The following SZT2 variants were observed in gnomAD, a reference collection of about 807,000 sequenced individuals.
SZT2 encodes SZT2 subunit of KICSTOR complex, also known as KICSTOR complex protein SZT2.
Under a neutral mutation model 404.2 loss-of-function variants are expected in SZT2, and 216 were observed. The observed-to-expected ratio is 0.53, with a 90% CI of 0.48 to 0.60. SZT2 has a LOEUF of 0.60. Ranked by LOEUF, SZT2 falls within the 20% of genes least tolerant of loss-of-function variation. SZT2 has a pLI of 0.00. For missense variants in SZT2, 3,857 were observed against 4,459.2 expected (o/e 0.86, Z 3.85); for synonymous variants, 1,693 against 1,749.9 (o/e 0.97, Z 0.81).
rs918491665 is a variant in SZT2, at chr1:43,412,984, G to A, written c.499-2098G>A. 5.9e-5 allele frequency among the ~76,000 whole-genome samples: 9 copies of A among 152,282 alleles called. No homozygotes were observed. In the East Asian group the frequency reaches 1.4e-3, roughly 23 times the overall value. On this transcript the variant is annotated intron_variant, in intron 4 of 71. Coordinates refer to ENST00000634258, the MANE Select transcript of SZT2 (RefSeq NM_001365999.1). ...GTATCATTTCACCCCAGTTAAAATGGTTTTTATCCAAAAGACAGGCAATAA... is the reference window on the plus strand; with the variant it reads ...GTATCATTTCACCCCAGTTAAAATGATTTTTATCCAAAAGACAGGCAATAA...
intron 1 of SZT2, among the ~76,000 whole-genome samples, chr1:43,397,667 A>G (rs1045353168): frequency 1.4e-4 from 22 of 151,792 alleles, no homozygotes; most frequent in Non-Finnish European, 8.8e-5. Flanking sequence ...AGCTGGGACT[A>G]CAGATGTGCT....
intron 4 of SZT2, among the ~76,000 whole-genome samples, chr1:43,408,812 G>T (rs980672148): frequency 2.0e-5 from 3 of 152,060 alleles, no homozygotes; most frequent in African/African-American, 7.2e-5. Context: ...CTTCCCATGG[G>T]CCTGTAGAGT....
intron 41 of SZT2, 91 bp from the exon 42 acceptor site, chr1:43,435,109 T>C (rs1392810502): frequency 2.7e-6 from 4 of 1,454,968 alleles, no homozygotes; most frequent in South Asian, 2.6e-5. Context: ...GTGATAGTGG[T>C]CATTCTCTCT....
chr1:43,440,353 A>G, intron 51 of SZT2, 100 bp from the exon 52 acceptor site: 2 of 1,467,736 alleles, frequency 1.4e-6, no homozygotes, highest in Non-Finnish European at 1.8e-6. Flanking sequence ...TGACAGGTAG[A>G]ATAGGTGGCA....
rs189295725 is a variant in SZT2, at chr1:43,391,244, G to T, written c.27+1249G>T. 1.3e-3 allele frequency among the ~76,000 whole-genome samples: 198 copies of T among 152,136 alleles called. No homozygotes were observed. In the East Asian group the frequency reaches 0.025, roughly 20 times the overall value. ...CAGGAGAATCGCTTGAACCCGGGAG[G>T]TGGAGGTTGCGATGAGCTGAGATCA... On this transcript the variant is annotated intron_variant, in intron 1 of 71. Transcript: ENST00000634258.
In SZT2 at chr1:43,421,180, CCAGA is replaced by C; in HGVS notation, c.1509_1512del (p.Asp504ArgfsTer80). On this transcript the variant is annotated frameshift_variant, in exon 11 of 72. Coordinates refer to ENST00000634258, the MANE Select transcript of SZT2 (RefSeq NM_001365999.1). LOFTEE classifies it high-confidence loss of function. ...CCTGGCCCTTATTCTACAGCATCAA[CCAGA>C]CAGACCAGATGCTTGCCCACCTTCA... is the stretch of plus-strand genomic sequence containing the variant. The C allele has an allele frequency of 6.3e-7, 1 of 1,598,374 alleles. No individual in the cohort carries two copies. Among genetic ancestry groups the C allele is most frequent in the Non-Finnish European group, 8.5e-7 (1 of 1,179,762 alleles).
rs778005372 is a variant in SZT2 at position 43,441,725 on chromosome 1, C to T, written c.7649C>T (p.Ser2550Phe). Residue 2550 changes from serine (S) to phenylalanine (F), a missense_variant, in exon 55 of 72, where the codon TCC becomes TTC. Around this residue, in one of 7 missense-constraint regions of SZT2, gnomAD observed 573 missense variants for 592.4 expected, o/e 0.97. Transcript: ENST00000634258. This position sits in a 1 kb window ranked among gnomAD's most constrained non-coding sequence, Gnocchi z 4.8. ...SVSRSSAHMV[S>F]RFLLPSILSE... is the part of the protein sequence containing the mutation. ...TCCAGAAGCTCTGCCCACATGGTGTCCCGGTTCCTCCTTCCATCCATCCTG... is the reference window on the plus strand; with the variant it reads ...TCCAGAAGCTCTGCCCACATGGTGTTCCGGTTCCTCCTTCCATCCATCCTG... 1.9e-6 allele frequency: 3 copies of T among 1,614,178 alleles called. No homozygotes were observed. Among genetic ancestry groups the T allele is most frequent in the Admixed American group, 3.3e-5 (2 of 60,020 alleles).
In SZT2 at chr1:43,438,722, G is replaced by C; in HGVS notation, c.6532G>C (p.Val2178Leu). ...QAGPEITDELVRVLCRRLDEA... is the reference protein window; with the variant it reads ...QAGPEITDELLRVLCRRLDEA... ...AGGTCCTGAGATCACGGATGAGCTC[G>C]TGCGAGTTCTATGTCGGCGCCTGGA... The change falls in exon 47 of 72, where the codon GTG (valine) becomes CTG (leucine). Residue 2178 changes from valine (V) to leucine (L), a missense_variant. Val to Leu is a conservative substitution (Grantham distance 32, BLOSUM62 1). This residue lies in a region of SZT2 where 261 missense variants were observed against 372.9 expected (regional missense o/e 0.70). Transcript: ENST00000634258. 6.2e-7 allele frequency: 1 copy of C among 1,614,076 alleles called. No homozygotes were observed. Among genetic ancestry groups the C allele is most frequent in the East Asian group, 2.2e-5 (1 of 44,876 alleles).
chr1:43,453,364 G>T lies in SZT2; in HGVS notation c.*2884G>T. 6.8e-7 allele frequency: 1 copy of T among 1,478,980 alleles called. No individual in the cohort carries two copies. 91.6% of individuals were successfully genotyped at this position (1,478,980 alleles called of 1,614,324 possible). On this transcript the variant is annotated 3_prime_UTR_variant, in exon 72 of 72. Coordinates refer to ENST00000634258, the MANE Select transcript of SZT2 (RefSeq NM_001365999.1). ...ATCAGGGTCATGGGTCACAGGGGTG[G>T]GGGTGGGGTGGAGCGGGGTACCTGG... is the stretch of plus-strand genomic sequence containing the variant.
intron 46 of SZT2, 200 bp downstream of exon 46, chr1:43,438,102 T>C (rs1285082969): frequency 3.5e-6 from 2 of 565,372 alleles, no homozygotes; most frequent in African/African-American, 3.8e-5. Flanking sequence ...CCTATTACTC[T>C]GCCCTGGGTC....
chr1:43,390,110 G>T, intron 1 of SZT2, 115 bp downstream of exon 1: 1 of 1,229,542 alleles, frequency 8.1e-7, no homozygotes, highest in Non-Finnish European at 1.1e-6. Flanking sequence ...CGTAGCCTCG[G>T]CAGGGACCAG....
At chr1:43,432,148 C>T (rs1653971352) in intron 36 of SZT2, 124 bp from the exon 37 acceptor site, 3 of 1,163,234 alleles carry the variant, frequency 2.6e-6, no homozygotes, top group Non-Finnish European at 3.7e-6. Flanking sequence ...TTTCTTACCT[C>T]AGCAGTGGGG....
At chr1:43,407,629 A>G (rs1650475804) in intron 4 of SZT2, among the ~76,000 whole-genome samples, 1 of 152,194 alleles carries the variant, frequency 6.6e-6, no homozygotes, top group East Asian at 1.9e-4. Context: ...GGAGTTTGAG[A>G]CTAGCCTGGG....
rs1185167428 is a variant in SZT2 at position 43,452,202 on chromosome 1, C to T, written c.*1722C>T. On this transcript the variant is annotated 3_prime_UTR_variant, in exon 72 of 72. Transcript: ENST00000634258. ...AGTACGTGTGTGTTTCCACCTTTCTCACCTGAGCCAAAACCCCAGCTGCAT... is the reference window on the plus strand; with the variant it reads ...AGTACGTGTGTGTTTCCACCTTTCTTACCTGAGCCAAAACCCCAGCTGCAT... The T allele has an allele frequency of 1.2e-6, 2 of 1,609,872 alleles. No individual in the cohort carries two copies. The highest frequency in any genetic ancestry group is 8.5e-7 in the Non-Finnish European group (1 of 1,177,486).
chr1:43,418,833 T>A (rs1334283035), intron 7 of SZT2, among the ~76,000 whole-genome samples: 2 of 151,972 alleles, frequency 1.3e-5, no homozygotes, highest in Non-Finnish European at 2.9e-5. Flanking sequence ...CTCAGTGAGG[T>A]CAAAGAGCAG....
At chr1:43,401,216 T>A (rs976261945) in intron 1 of SZT2, among the ~76,000 whole-genome samples, 1 of 152,226 alleles carries the variant, frequency 6.6e-6, no homozygotes, top group Non-Finnish European at 1.5e-5. Context: ...TGAACCGTTA[T>A]GCCCAGCTGT....
In SZT2 at chr1:43,432,374, G is replaced by A. The variant is rs143185010; in HGVS notation, c.5377G>A (p.Glu1793Lys). The change falls in exon 37 of 72, where the codon GAG becomes AAG. Residue 1793 changes from glutamate to lysine, a missense_variant. Around this residue, in one of 7 missense-constraint regions of SZT2, gnomAD observed 1,725 missense variants for 1,881.0 expected, o/e 0.92. Coordinates refer to ENST00000634258, the MANE Select transcript of SZT2 (RefSeq NM_001365999.1). Reference protein sequence around the residue: ...AGQQPGGSHGEPSSAAWAWHS... With the variant: ...AGQQPGGSHGKPSSAAWAWHS... ...CCAACAGCCAGGTGGGTCCCATGGG[G>A]AGCCTTCTTCAGCGGCCTGGGCTTG... is the stretch of plus-strand genomic sequence containing the variant. 214 of 1,604,894 alleles carry A rather than the reference G, an allele frequency of 1.3e-4. No homozygotes were observed. The Middle Eastern group carries it at 4.7e-3, about 35-fold the overall frequency.
intron 1 of SZT2, among the ~76,000 whole-genome samples, chr1:43,399,959 GAC>G (rs1428624120): frequency 6.6e-6 from 1 of 151,668 alleles, no homozygotes; most frequent in African/African-American, 2.4e-5. Context: ...TATTTTTTGA[GAC>G]AGAATCTTGC....
chr1:43,431,520 T>A lies in SZT2; in HGVS notation c.5085T>A (p.Asn1695Lys). ...PHRLAIETTMNEIRWLLEDEM... is the reference protein window; with the variant it reads ...PHRLAIETTMKEIRWLLEDEM... Reference sequence around the variant, plus strand: ...GACTGGCTATTGAGACCACCATGAATGAGGTGAGCCCCCCACCCCCAACAC... The same window carrying A: ...GACTGGCTATTGAGACCACCATGAAAGAGGTGAGCCCCCCACCCCCAACAC... The change falls in exon 35 of 72, where the codon AAT becomes AAA. Residue 1695 changes from asparagine (N) to lysine (K), a missense_variant. Physicochemically the swap from Asn to Lys is moderately conservative, Grantham distance 94. Coordinates refer to ENST00000634258, the MANE Select transcript of SZT2 (RefSeq NM_001365999.1). 6.2e-7 allele frequency: 1 copy of A among 1,614,152 alleles called. No individual in the cohort carries two copies. Among genetic ancestry groups the A allele is most frequent in the Non-Finnish European group, 8.5e-7 (1 of 1,180,012 alleles).
Sources: allele counts gnomAD v4.1 joint callset (sites outside exome capture counted in the v4.1 genomes callset), GRCh38; gene constraint gnomAD v4.1.1; regional missense constraint gnomAD v4.1.1; non-coding constraint Gnocchi (gnomAD v3.1); transcripts MANE v1.5; gene names NCBI Gene and HGNC (gene_info 2026-07-23, HGNC 2026-07-21).